Variants in PEX5L observed in about 807,000 individuals in gnomAD.
PEX5L encodes peroxisomal biogenesis factor 5 like.
In PEX5L, 30 loss-of-function variants were observed where a neutral mutation model predicts 84.0. That is an observed-to-expected ratio of 0.36 (90% CI 0.27 to 0.48). PEX5L has a LOEUF of 0.48. Among genes scored for constraint, PEX5L ranks in the 20% least tolerant of loss-of-function variants. PEX5L has a pLI of 0.99. For missense variants in PEX5L, 533 were observed against 754.6 expected (o/e 0.71, Z 3.44); for synonymous variants, 270 against 283.1 (o/e 0.95, Z 0.46).
chr3:179,974,842 G>A (rs1785556454), intron 1 of PEX5L, among the ~76,000 whole-genome samples: 1 of 152,078 alleles, frequency 6.6e-6, no homozygotes, highest in Non-Finnish European at 1.5e-5. Flanking sequence ...CTCCACAAAA[G>A]TAAAACAGAA....
chr3:179,974,017 G>A (rs775403689), intron 1 of PEX5L: 24 of 985,288 alleles, frequency 2.4e-5, no homozygotes, highest in Non-Finnish European at 2.8e-5. Flanking sequence ...CTCACTTACT[G>A]CTTATTTCTA....
chr3:180,013,555 C>G (rs1789669358), intron 1 of PEX5L, among the ~76,000 whole-genome samples: 1 of 152,080 alleles, frequency 6.6e-6, no homozygotes, highest in Non-Finnish European at 1.5e-5. Context: ...AGTTGTGACT[C>G]TATCTGGTGT....
intron 1 of PEX5L, among the ~76,000 whole-genome samples, chr3:180,009,368 G>A (rs1789214059): frequency 6.6e-6 from 1 of 152,158 alleles, no homozygotes; most frequent in African/African-American, 2.4e-5. Flanking sequence ...GGAATTAACA[G>A]AGGTATGCCT....
intron 2 of PEX5L, among the ~76,000 whole-genome samples, chr3:179,936,184 A>G (rs1774541174): frequency 6.6e-6 from 1 of 152,146 alleles, no homozygotes. Context: ...GGGTAGTGAG[A>G]GTGGTGGAGT....
intron 1 of PEX5L, 25 bp from the exon 2 acceptor site, chr3:179,971,690 A>C: frequency 2.5e-6 from 4 of 1,574,800 alleles, no homozygotes; most frequent in Non-Finnish European, 3.5e-6. Flanking sequence ...ATTTTAAATG[A>C]TCATTTAGTT....
chr3:180,033,277 G>A (rs1478840008), intron 1 of PEX5L, among the ~76,000 whole-genome samples: 1 of 152,206 alleles, frequency 6.6e-6, no homozygotes, highest in Non-Finnish European at 1.5e-5. Context: ...GCTAGAGGGT[G>A]TGGAATGATT....
chr3:180,013,309 C>A (rs913267555), intron 1 of PEX5L, among the ~76,000 whole-genome samples: 10 of 152,122 alleles, frequency 6.6e-5, no homozygotes, highest in Non-Finnish European at 1.0e-4. Flanking sequence ...ATTCTCAATA[C>A]TTCGTTTTTC....
intron 10 of PEX5L, among the ~76,000 whole-genome samples, chr3:179,814,743 A>G (rs1725384725): frequency 1.3e-5 from 2 of 152,114 alleles, no homozygotes; most frequent in Admixed American, 1.3e-4. Context: ...ATCTCGGAGA[A>G]AGGGGTTTTT....
At chr3:179,927,541 C>T (rs1169637893) in intron 2 of PEX5L, among the ~76,000 whole-genome samples, 1 of 152,052 alleles carries the variant, frequency 6.6e-6, no homozygotes, top group Non-Finnish European at 1.5e-5. Context: ...AATTGGAAGT[C>T]TACATTGTAG....
chr3:179,949,009 T>G (rs951875529), intron 2 of PEX5L, among the ~76,000 whole-genome samples: 1 of 152,204 alleles, frequency 6.6e-6, no homozygotes, highest in East Asian at 1.9e-4. Context: ...ATGACTAGCT[T>G]TCCCAGTGAC....
chr3:180,009,457 A>G (rs1372755097), intron 1 of PEX5L, among the ~76,000 whole-genome samples: 1 of 152,284 alleles, frequency 6.6e-6, no homozygotes, highest in Non-Finnish European at 1.5e-5. Context: ...AAATGTAAGC[A>G]ATAAAACAAG....
intron 1 of PEX5L, among the ~76,000 whole-genome samples, chr3:180,025,975 C>G (rs1427845640): frequency 6.6e-6 from 1 of 152,098 alleles, no homozygotes; most frequent in Non-Finnish European, 1.5e-5. Flanking sequence ...AGGATAAGTT[C>G]AAGCAAAATC....
chr3:179,811,671 G>A (rs995756484), intron 11 of PEX5L, 130 bp downstream of exon 11: 19 of 720,956 alleles, frequency 2.6e-5, no homozygotes, highest in Non-Finnish European at 4.8e-5. Flanking sequence ...GTGATATGCG[G>A]TATCTCAGCA....
chr3:179,963,237 C>T (rs1210648947), intron 2 of PEX5L, among the ~76,000 whole-genome samples: 1 of 70,034 alleles, frequency 1.4e-5, no homozygotes, highest in Non-Finnish European at 2.9e-5. Flanking sequence ...ACCTTGTTTA[C>T]TCACAGAGAT....
intron 1 of PEX5L, among the ~76,000 whole-genome samples, chr3:180,000,507 C>T (rs898597581): frequency 3.3e-5 from 5 of 152,110 alleles, no homozygotes; most frequent in African/African-American, 9.7e-5. Context: ...AAAAAAACCA[C>T]GACCTGCTGA....
chr3:179,870,789 T>G lies in PEX5L; in HGVS notation c.726+3538A>C, dbSNP rs1750044579. ...CATGCCTTTCCTCCTGTTAACCAGTTTGTTTTGTAGACTCAAATTCTCAAA... is the reference window on the plus strand; with the variant it reads ...CATGCCTTTCCTCCTGTTAACCAGTGTGTTTTGTAGACTCAAATTCTCAAA... On this transcript the variant is annotated intron_variant, in intron 7 of 14. Transcript: ENST00000467460. Among the ~76,000 whole-genome samples the G allele has an allele frequency of 2.0e-5, 3 of 152,324 alleles. 1 individual carries two copies. In the South Asian group the frequency reaches 6.2e-4, roughly 32 times the overall value.
chr3:179,976,011 T>C (rs995482314), intron 1 of PEX5L, among the ~76,000 whole-genome samples: 18 of 152,144 alleles, frequency 1.2e-4, no homozygotes, highest in Non-Finnish European at 2.4e-4. Context: ...GCAGTGCATA[T>C]AGATCACTAG....
At chr3:180,026,617 C>G (rs530906534) in intron 1 of PEX5L, among the ~76,000 whole-genome samples, 1 of 152,238 alleles carries the variant, frequency 6.6e-6, no homozygotes, top group South Asian at 2.1e-4. Flanking sequence ...GATAGAGGAA[C>G]CATTCTGCTC....
At chr3:179,837,048 T>C (rs1469403927) in intron 8 of PEX5L, among the ~76,000 whole-genome samples, 2 of 152,124 alleles carry the variant, frequency 1.3e-5, no homozygotes, top group Non-Finnish European at 2.9e-5. Context: ...CTATAATACA[T>C]TGTTGTTAGA....
Sources: allele counts gnomAD v4.1 joint callset (sites outside exome capture counted in the v4.1 genomes callset), GRCh38; gene constraint gnomAD v4.1.1; transcripts MANE v1.5; gene names NCBI Gene and HGNC (gene_info 2026-07-23, HGNC 2026-07-21).